Variants in KCNQ5 observed in about 807,000 individuals in gnomAD.
KCNQ5 encodes the protein potassium voltage-gated channel subfamily Q member 5.
KCNQ5 carries 30 observed loss-of-function variants against 98.2 expected under a neutral mutation model. That is an observed-to-expected ratio of 0.31 (90% CI 0.23 to 0.41). KCNQ5 has a LOEUF of 0.41. Ranked by LOEUF, KCNQ5 falls within the 10% of genes least tolerant of loss-of-function variation. KCNQ5 has a pLI of 1.00. For synonymous variants in KCNQ5, 458 were observed against 449.4 expected (o/e 1.02, Z -0.24); for missense variants, 835 against 1,182.5 (o/e 0.71, Z 4.31).
rs138382000 is a variant in KCNQ5 at position 73,055,233 on chromosome 6, G to C, written c.616+13171G>C. 4.8e-6 allele frequency: 6 copies of C among 1,239,274 alleles called. No individual in the cohort carries two copies. The East Asian group carries it at 1.2e-4, about 24-fold the overall frequency. 76.8% of individuals were successfully genotyped at this position (1,239,274 alleles called of 1,614,324 possible). ...GCAAAGCAGGCACGGCGAGATGCTGGCTATGAGTTTGACATCTGCTTCACC... is the reference window on the plus strand; with the variant it reads ...GCAAAGCAGGCACGGCGAGATGCTGCCTATGAGTTTGACATCTGCTTCACC... On this transcript the variant is annotated intron_variant, in intron 3 of 13. Coordinates refer to ENST00000370398, the MANE Select transcript of KCNQ5 (RefSeq NM_019842.4).
intron 1 of KCNQ5, among the ~76,000 whole-genome samples, chr6:72,852,324 C>A (rs910474843): frequency 2.6e-5 from 4 of 151,858 alleles, no homozygotes; most frequent in Non-Finnish European, 5.9e-5. Flanking sequence ...TTTATTGCAG[C>A]ATTATTCACA....
At chr6:72,761,060 C>A (rs971575346) in intron 1 of KCNQ5, among the ~76,000 whole-genome samples, 1 of 152,010 alleles carries the variant, frequency 6.6e-6, no homozygotes, top group African/African-American at 2.4e-5. Flanking sequence ...TGTGTCAATT[C>A]CGAGGCACCA....
chr6:73,158,254 A>ATTTTTTTTTT (rs796118861), intron 10 of KCNQ5: 1 of 23,194 alleles, frequency 4.3e-5, no homozygotes, highest in Non-Finnish European at 6.2e-5. Context: ...ATTTTGGAAG[A>ATTTTTTTTTT]TTTTTTTTTT....
chr6:72,827,940 T>C (rs1776072913), intron 1 of KCNQ5, among the ~76,000 whole-genome samples: 1 of 152,198 alleles, frequency 6.6e-6, no homozygotes, highest in African/African-American at 2.4e-5. Context: ...TTTATTCTTC[T>C]GCATACGGAT....
chr6:73,133,971 C>T (rs778884383), intron 10 of KCNQ5: 31 of 489,502 alleles, frequency 6.3e-5, no homozygotes, highest in Admixed American at 5.3e-4. Flanking sequence ...GTATTTGTGA[C>T]GTCTGACCAG....
chr6:73,121,006 A>T (rs965259697), intron 8 of KCNQ5, among the ~76,000 whole-genome samples: 5 of 152,168 alleles, frequency 3.3e-5, no homozygotes, highest in Non-Finnish European at 5.9e-5. Context: ...GCCATTTCTC[A>T]TCTGGATCCT....
intron 1 of KCNQ5, among the ~76,000 whole-genome samples, chr6:72,933,990 T>A (rs1765795179): frequency 6.6e-6 from 1 of 151,960 alleles, no homozygotes; most frequent in African/African-American, 2.4e-5. Flanking sequence ...AGCCCAGGAG[T>A]TAAAGGCTGC....
chr6:72,760,183 T>A (rs946154999), intron 1 of KCNQ5, among the ~76,000 whole-genome samples: 50 of 152,176 alleles, frequency 3.3e-4, no homozygotes, highest in African/African-American at 9.2e-4. Flanking sequence ...CTATACTTGG[T>A]AACTTTTATA....
Position 73,150,919 on chromosome 6 carries a change from T to C in KCNQ5, c.1468+17278T>C, listed in dbSNP as rs1777124334. 3.3e-5 allele frequency among the ~76,000 whole-genome samples: 5 copies of C among 151,906 alleles called. No individual in the cohort carries two copies. The South Asian group carries it at 8.3e-4, about 25-fold the overall frequency. On this transcript the variant is annotated intron_variant, in intron 10 of 13. Coordinates refer to ENST00000370398, the MANE Select transcript of KCNQ5 (RefSeq NM_019842.4). Reference sequence around the variant, plus strand: ...TCATATTAGTGGTTGCCAGTAATCATGGTGGGAGCTGGGAGGGAGGAGGTG... The same window carrying C: ...TCATATTAGTGGTTGCCAGTAATCACGGTGGGAGCTGGGAGGGAGGAGGTG...
At chr6:73,060,923 A>ATC (rs1488066588) in intron 3 of KCNQ5, among the ~76,000 whole-genome samples, 4 of 152,214 alleles carry the variant, frequency 2.6e-5, no homozygotes, top group African/African-American at 9.6e-5. Flanking sequence ...GCAAAGGGGT[A>ATC]TCACCCTTAT....
Position 73,157,052 on chromosome 6 carries a change from G to A in KCNQ5, c.1469-12694G>A, listed in dbSNP as rs371838340. Among the ~76,000 whole-genome samples, 11 of 152,322 alleles carry A rather than the reference G, an allele frequency of 7.2e-5. No homozygotes were observed. In the East Asian group the frequency reaches 1.9e-3, roughly 27 times the overall value. On this transcript the variant is annotated intron_variant, in intron 10 of 13. Coordinates refer to ENST00000370398, the MANE Select transcript of KCNQ5 (RefSeq NM_019842.4). ...CGAGCAGAGAGAGGCCAGGCAGGAT[G>A]AACCACCGGGGGCCAGGACCTGTTG...
intron 1 of KCNQ5, among the ~76,000 whole-genome samples, chr6:72,766,416 A>G (rs1772573977): frequency 6.6e-6 from 1 of 151,930 alleles, no homozygotes; most frequent in African/African-American, 2.4e-5. Context: ...ACTTGATCTG[A>G]TCTGTATTTT....
At chr6:72,985,226 A>G (rs1768708916) in intron 1 of KCNQ5, among the ~76,000 whole-genome samples, 1 of 152,166 alleles carries the variant, frequency 6.6e-6, no homozygotes, top group African/African-American at 2.4e-5. Flanking sequence ...AAAAAAAGAG[A>G]AGCAAGAAAG....
chr6:72,751,914 T>G (rs896051734), intron 1 of KCNQ5, among the ~76,000 whole-genome samples: 2 of 152,172 alleles, frequency 1.3e-5, no homozygotes, highest in Non-Finnish European at 2.9e-5. Context: ...AGGAAAGTGA[T>G]GCTCAAGATA....
chr6:72,987,637 C>A, intron 1 of KCNQ5: 1 of 606,312 alleles, frequency 1.6e-6, no homozygotes, highest in Non-Finnish European at 3.0e-6. Context: ...GGACTGTGAC[C>A]GGGCCATGAG....
chr6:73,023,667 TG>T (rs1364601457), intron 2 of KCNQ5, among the ~76,000 whole-genome samples: 2 of 152,222 alleles, frequency 1.3e-5, no homozygotes, highest in Non-Finnish European at 2.9e-5. Flanking sequence ...GCCTAACACC[TG>T]CATCATTTTC....
chr6:72,728,275 A>G (rs951783039), intron 1 of KCNQ5, among the ~76,000 whole-genome samples: 4 of 146,538 alleles, frequency 2.7e-5, no homozygotes, highest in Non-Finnish European at 6.0e-5. Context: ...GTATATAAAT[A>G]TAATTTTAGG....
intron 1 of KCNQ5, among the ~76,000 whole-genome samples, chr6:72,957,700 G>C (rs905220365): frequency 6.6e-6 from 1 of 151,996 alleles, no homozygotes; most frequent in African/African-American, 2.4e-5. Flanking sequence ...AAATGCCTCC[G>C]TTCCATAGCA....
intron 1 of KCNQ5, among the ~76,000 whole-genome samples, chr6:72,746,317 G>C (rs1771405139): frequency 6.6e-6 from 1 of 152,082 alleles, no homozygotes; most frequent in African/African-American, 2.4e-5. Flanking sequence ...TTATTTAAAA[G>C]TCTGCATTAT....
Sources: allele counts gnomAD v4.1 joint callset (sites outside exome capture counted in the v4.1 genomes callset), GRCh38; gene constraint gnomAD v4.1.1; transcripts MANE v1.5; gene names NCBI Gene and HGNC (gene_info 2026-07-23, HGNC 2026-07-21).